SLC35E4: variants seen among roughly 807,000 people sequenced by gnomAD.
SLC35E4 encodes solute carrier family 35 member E4.
In SLC35E4, 15 loss-of-function variants were observed where a neutral mutation model predicts 19.3. The observed-to-expected ratio is 0.78, with a 90% confidence interval of 0.52 to 1.20. SLC35E4 has a LOEUF of 1.20. Among genes scored for constraint, SLC35E4 ranks in the 50% most tolerant of loss-of-function variants. The pLI is 0.00. For synonymous variants in SLC35E4, 219 were observed against 219.9 expected (o/e 1.00, Z 0.04); for missense variants, 406 against 472.3 (o/e 0.86, Z 1.30).
At chr22:30,665,820 TGATA>T (rs1307753384), downstream of SLC35E4, among the ~76,000 whole-genome samples, 1 of 152,056 alleles carries the variant, frequency 6.6e-6, no homozygotes, top group East Asian at 1.9e-4. Flanking sequence ...AGTAGGTGCT[TGATA>T]AATATTTGTT....
intron 1 of SLC35E4, among the ~76,000 whole-genome samples, chr22:30,640,082 G>C (rs887987666): frequency 6.6e-6 from 1 of 152,134 alleles, no homozygotes; most frequent in African/African-American, 2.4e-5. Context: ...CACAATCCAC[G>C]TTCTTCTGCA....
intron 2 of SLC35E4, among the ~76,000 whole-genome samples, chr22:30,655,754 T>C (rs547149229): frequency 1.3e-5 from 2 of 152,160 alleles, no homozygotes; most frequent in African/African-American, 2.4e-5. Flanking sequence ...ACGGATGGCA[T>C]TGTGATTCCC....
In SLC35E4 at chr22:30,636,547, T is replaced by TGGCC. The variant is rs760597215; in HGVS notation, c.98_101dup (p.Pro35AlafsTer236). On this transcript the variant is annotated frameshift_variant, in exon 1 of 2. Coordinates refer to ENST00000343605, the MANE Select transcript of SLC35E4 (RefSeq NM_001001479.4). LOFTEE classifies it high-confidence loss of function. The stretch of plus-strand genomic sequence containing the variant: ...TGCTCAGGCGGCTGGGCCCCCCGAG[T>TGGCC]GGCCCCCTGGCAGCCCTCAGGCCCT... 1 of 1,562,530 alleles carries TGGCC rather than the reference T, an allele frequency of 6.4e-7. No homozygotes were observed. The highest frequency in any genetic ancestry group is 8.7e-7 in the Non-Finnish European group (1 of 1,153,230).
At chr22:30,666,298 G>T (rs1364087892), downstream of SLC35E4, among the ~76,000 whole-genome samples, 1 of 152,176 alleles carries the variant, frequency 6.6e-6, no homozygotes, top group African/African-American at 2.4e-5. Flanking sequence ...GGGTAGTGAT[G>T]CGAGGAGTCA....
At position 30,647,099 on chromosome 22, in the gene SLC35E4, G is replaced by A. The variant is rs1222409318; in HGVS notation, c.*68G>A. ...GAATCCAGCCTCCGCTGTGGCCATA[G>A]AAGGAATGGAGAACAGGGCTGGGCA... is the stretch of plus-strand genomic sequence containing the variant. On this transcript the variant is annotated 3_prime_UTR_variant, in exon 2 of 2. Coordinates refer to ENST00000343605, the MANE Select transcript of SLC35E4 (RefSeq NM_001001479.4). 1.4e-5 allele frequency: 21 copies of A among 1,496,700 alleles called. No individual in the cohort carries two copies. The highest frequency in any genetic ancestry group is 2.2e-5 in the Admixed American group (1 of 46,136). The allele number at this position is 1,496,700 out of a possible 1,614,324, so 92.7% of individuals were successfully genotyped here. A position where few individuals can be genotyped will look rare whatever the true frequency, so the allele number is the denominator to read the frequency against.
rs1602067403 is a variant in SLC35E4 at position 30,636,141 on chromosome 22, A to T, written c.-310A>T. Reference sequence around the variant, plus strand: ...TTTCATCTAAAAGCATAACGTGGGCACTAGGCGAGGAGGAAAGTGGAGACC... The same window carrying T: ...TTTCATCTAAAAGCATAACGTGGGCTCTAGGCGAGGAGGAAAGTGGAGACC... On this transcript the variant is annotated 5_prime_UTR_variant, in exon 1 of 2. Transcript: ENST00000343605. 1 of 383,560 alleles carries T rather than the reference A, an allele frequency of 2.6e-6. No individual in the cohort carries two copies. Among genetic ancestry groups the T allele is most frequent in the Non-Finnish European group, 4.7e-6 (1 of 213,800 alleles). 23.8% of individuals were successfully genotyped at this position (383,560 alleles called of 1,614,324 possible).
At chr22:30,656,212 A>C (rs1173949701) in intron 2 of SLC35E4, among the ~76,000 whole-genome samples, 19 of 151,938 alleles carry the variant, frequency 1.3e-4, no homozygotes, top group Non-Finnish European at 1.5e-4. Context: ...CCCAGGCTCA[A>C]GTGATCCTCC....
downstream of SLC35E4, among the ~76,000 whole-genome samples, chr22:30,651,420 T>TAC: frequency 2.6e-4 from 18 of 69,282 alleles, no homozygotes; most frequent in Non-Finnish European, 4.0e-4. Flanking sequence ...TATATATATA[T>TAC]ATATATATTT....
chr22:30,636,614 T>A lies in SLC35E4; in HGVS notation c.164T>A (p.Val55Glu). ...GCCCGAGTGGCCATGGCAGCACTGG[T>A]GTGGCTGCTGGCGGGAGCCAGCATG... is the stretch of plus-strand genomic sequence containing the variant. Reference protein sequence around the residue: ...GRARVAMAALVWLLAGASMSS... With the variant: ...GRARVAMAALEWLLAGASMSS... The change falls in exon 1 of 2, where the codon GTG (valine) becomes GAG (glutamate). Residue 55 changes from valine (V) to glutamate (E), a missense_variant. Physicochemically the swap from Val to Glu is moderately radical, Grantham distance 121. Transcript: ENST00000343605. 6.2e-7 allele frequency: 1 copy of A among 1,608,426 alleles called. No individual in the cohort carries two copies. The highest frequency in any genetic ancestry group is 1.1e-5 in the South Asian group (1 of 90,782).
chr22:30,636,448 CG>C lies in SLC35E4; in HGVS notation c.-1del, dbSNP rs2087947014. 2 of 1,480,994 alleles carry C rather than the reference CG, an allele frequency of 1.4e-6. No individual in the cohort carries two copies. The highest frequency in any genetic ancestry group is 1.4e-5 in the African/African-American group (1 of 71,454). 91.7% of individuals were successfully genotyped at this position (1,480,994 alleles called of 1,614,324 possible). A position where few individuals can be genotyped will look rare whatever the true frequency, so the allele number is the denominator to read the frequency against. On this transcript the variant is annotated 5_prime_UTR_variant, in exon 1 of 2. Transcript: ENST00000343605. ...GCCTCCTGCCCTAGCCTCACTGGTG[CG>C]GATGTGCCGCTGCCCGCCGGAGCAC... is the stretch of plus-strand genomic sequence containing the variant.
At chr22:30,638,586 T>TGGGA (rs2087988205) in intron 1 of SLC35E4, among the ~76,000 whole-genome samples, 4 of 148,534 alleles carry the variant, frequency 2.7e-5, no homozygotes, top group Admixed American at 2.7e-4. Context: ...CCGAGGCAAG[T>TGGGA]GGATCACCTG....
chr22:30,667,113 T>A (rs5749151), downstream of SLC35E4: 47,609 of 152,058 alleles, frequency 0.31, 8,784 homozygotes, highest in East Asian at 0.63. Flanking sequence ...TATGAAGTAT[T>A]TGGCTTCCCT....
downstream of SLC35E4, chr22:30,665,565 T>G (rs745942924): frequency 6.2e-5 from 29 of 470,760 alleles, no homozygotes; most frequent in South Asian, 4.5e-4. Context: ...TAAAGGTAAC[T>G]GTTTTAAGGG....
Position 30,636,769 on chromosome 22 carries a change from C to A in SLC35E4, c.319C>A (p.Arg107Ser), listed in dbSNP as rs753658308. Residue 107 changes from arginine to serine, a missense_variant, in exon 1 of 2, where the codon CGC (arginine) becomes AGC (serine). Coordinates refer to ENST00000343605, the MANE Select transcript of SLC35E4 (RefSeq NM_001001479.4). ...GARRPMPGGT[R>S]CRVLLLSLTF... Reference sequence around the variant, plus strand: ...ACGGCGCCCCATGCCAGGCGGCACTCGCTGCCGAGTCCTACTGCTCAGTCT... The same window carrying A: ...ACGGCGCCCCATGCCAGGCGGCACTAGCTGCCGAGTCCTACTGCTCAGTCT... 2 of 1,612,132 alleles carry A rather than the reference C, an allele frequency of 1.2e-6. No individual in the cohort carries two copies. Among genetic ancestry groups the A allele is most frequent in the Non-Finnish European group, 1.7e-6 (2 of 1,179,440 alleles).
At position 30,644,480 on chromosome 22, in the gene SLC35E4, C is replaced by T. The variant is rs989058114; in HGVS notation, c.620-2118C>T. Among the ~76,000 whole-genome samples, 6 of 152,316 alleles carry T rather than the reference C, an allele frequency of 3.9e-5. No homozygotes were observed. The South Asian group carries it at 1.2e-3, about 32-fold the overall frequency. ...TTTCAGCCAGGCGCAATGGCTCACA[C>T]CTGTAATCCCAGCACTTTGGGAGGC... On this transcript the variant is annotated intron_variant, in intron 1 of 1. Transcript: ENST00000343605.
chr22:30,666,621 CAAAAAAAA>C (rs55979351), downstream of SLC35E4, among the ~76,000 whole-genome samples: 87 of 62,488 alleles, frequency 1.4e-3, 2 homozygotes, highest in Admixed American at 6.9e-3. Flanking sequence ...GACTCCATCT[CAAAAAAAA>C]AAAAAAAAAA....
intron 2 of SLC35E4, among the ~76,000 whole-genome samples, chr22:30,653,674 G>A (rs1387768672): frequency 4.7e-5 from 7 of 150,278 alleles, no homozygotes; most frequent in South Asian, 4.2e-4. Flanking sequence ...ACGCCTGGCC[G>A]CCTCCCTTCT....
chr22:30,656,032 G>A (rs937380700), intron 2 of SLC35E4, among the ~76,000 whole-genome samples: 2 of 151,910 alleles, frequency 1.3e-5, no homozygotes, highest in African/African-American at 4.8e-5. Context: ...CAGTGCAGTG[G>A]TGCCATCATA....
Position 30,635,788 on chromosome 22 carries a change from G to T in SLC35E4, c.-663G>T. Reference sequence around the variant, plus strand: ...CCTGAGCTGGAGCCGGGCGTGAGTCGCAGCAGGAGCCGCAGCCGGAGTCAC... The same window carrying T: ...CCTGAGCTGGAGCCGGGCGTGAGTCTCAGCAGGAGCCGCAGCCGGAGTCAC... On this transcript the variant is annotated 5_prime_UTR_variant, in exon 1 of 2. Transcript: ENST00000343605. 6.4e-6 allele frequency: 1 copy of T among 155,706 alleles called. No homozygotes were observed. Among genetic ancestry groups the T allele is most frequent in the Non-Finnish European group, 1.4e-5 (1 of 70,276 alleles). The allele number at this position is 155,706 out of a possible 1,614,324, so 9.6% of individuals were successfully genotyped here.
Sources: gnomAD v4.1 joint callset for allele counts (sites outside exome capture counted in the v4.1 genomes callset) on GRCh38, gnomAD v4.1.1 for gene constraint, MANE v1.5 for transcripts, NCBI Gene and HGNC (gene_info 2026-07-23, HGNC 2026-07-21) for gene names.